SLC7A8: variants seen among roughly 807,000 people sequenced by gnomAD.
SLC7A8 encodes the protein solute carrier family 7 member 8.
Under a neutral mutation model 51.2 loss-of-function variants are expected in SLC7A8, and 30 were observed. The observed-to-expected ratio is 0.59, with a 90% CI of 0.44 to 0.80. The LOEUF (loss-of-function observed/expected upper bound fraction) is 0.80, where lower values mean the gene tolerates loss of function less well. SLC7A8 is among the 30% of genes least tolerant of loss of function. The pLI is 0.00. For synonymous variants in SLC7A8, 257 were observed against 275.8 expected, an observed-to-expected ratio of 0.93 and a Z score of 0.67; for missense variants, 612 against 674.4, an observed-to-expected ratio of 0.91 and a Z score of 1.03.
At chr14:23,150,195 T>A (rs1335985942) in intron 3 of SLC7A8, among the ~76,000 whole-genome samples, 1 of 152,086 alleles carries the variant, frequency 6.6e-6, no homozygotes, top group African/African-American at 2.4e-5. Context: ...TAAGGATGGG[T>A]TGGGGAGTCG....
At chr14:23,149,192 G>C (rs556989688) in intron 3 of SLC7A8, among the ~76,000 whole-genome samples, 5 of 152,240 alleles carry the variant, frequency 3.3e-5, no homozygotes, top group African/African-American at 4.8e-5. Flanking sequence ...CCCACAGCTA[G>C]AGTGTTCCTA....
rs550007987 is a variant in SLC7A8 at position 23,167,191 on chromosome 14, A to C, written c.152-651T>G. The stretch of plus-strand genomic sequence containing the variant: ...GAACATAAAATAACTCTATAAAAAC[A>C]GTCCTAGTGGTTTAGAAGTGGTGTG... On this transcript the variant is annotated intron_variant, in intron 1 of 10. Transcript: ENST00000316902. Among the ~76,000 whole-genome samples, 3 of 152,320 alleles carry C rather than the reference A, an allele frequency of 2.0e-5. No individual in the cohort carries two copies. In the South Asian group the frequency reaches 6.2e-4, roughly 32 times the overall value.
intron 1 of SLC7A8, among the ~76,000 whole-genome samples, chr14:23,180,072 A>ATTT (rs1181284855): frequency 6.6e-6 from 1 of 151,600 alleles, no homozygotes; most frequent in East Asian, 1.9e-4. Flanking sequence ...CGCCCGGCTA[A>ATTT]TTTTTTGTAT....
intron 3 of SLC7A8, among the ~76,000 whole-genome samples, chr14:23,163,988 A>G (rs1159136284): frequency 6.7e-6 from 1 of 149,558 alleles, no homozygotes; most frequent in Non-Finnish European, 1.5e-5. Context: ...TAGAGACAGG[A>G]TCTCACTATG....
chr14:23,182,182 A>G (rs1295346491), intron 1 of SLC7A8, among the ~76,000 whole-genome samples: 2 of 152,166 alleles, frequency 1.3e-5, no homozygotes, highest in African/African-American at 2.4e-5. Context: ...CTTTTCTTCC[A>G]TAACTTCCCC....
intron 3 of SLC7A8, among the ~76,000 whole-genome samples, chr14:23,152,452 C>T (rs1247616302): frequency 6.6e-6 from 1 of 151,176 alleles, no homozygotes; most frequent in Non-Finnish European, 1.5e-5. Flanking sequence ...CAGGGTCTTA[C>T]TCTGTCATCC....
chr14:23,178,885 C>CAAAAAAAAAAAAAAAAAA (rs386380884), intron 1 of SLC7A8, among the ~76,000 whole-genome samples: 1 of 78,756 alleles, frequency 1.3e-5, no homozygotes, highest in Non-Finnish European at 2.4e-5. Flanking sequence ...ATCTTGTCTC[C>CAAAAAAAAAAAAAAAAAA]AAAAAAAAAA....
chr14:23,147,692 A>G (rs2048810272), intron 3 of SLC7A8, among the ~76,000 whole-genome samples: 1 of 152,228 alleles, frequency 6.6e-6, no homozygotes, highest in African/African-American at 2.4e-5. Context: ...CCTGGGTAAA[A>G]AATAAGATGA....
Position 23,126,770 on chromosome 14 carries a change from T to C in SLC7A8, c.*407A>G. 1 of 232,804 alleles carries C rather than the reference T, an allele frequency of 4.3e-6. No homozygotes were observed. The highest frequency in any genetic ancestry group is 8.6e-6 in the Non-Finnish European group (1 of 115,934). 14.4% of individuals were successfully genotyped at this position (232,804 alleles called of 1,614,324 possible). ...ACCCCTTGATGGGGACAGAATTGCT[T>C]GAGCCTGTCCCCCCACAATGCAGCT... On this transcript the variant is annotated 3_prime_UTR_variant, in exon 11 of 11. Coordinates refer to ENST00000316902, the MANE Select transcript of SLC7A8 (RefSeq NM_012244.4).
At chr14:23,174,175 C>T (rs1235486512) in intron 1 of SLC7A8, among the ~76,000 whole-genome samples, 1 of 152,198 alleles carries the variant, frequency 6.6e-6, no homozygotes. Context: ...CCAAATACCA[C>T]CTTAAGTCAA....
intron 7 of SLC7A8, 64 bp from the exon 8 acceptor site, chr14:23,131,621 A>G (rs1323121161): frequency 3.0e-6 from 4 of 1,313,082 alleles, no homozygotes; most frequent in Non-Finnish European, 3.1e-6. Flanking sequence ...CAGCTCCTTC[A>G]TCCTTGCCTA....
At chr14:23,179,996 T>C (rs1877093824) in intron 1 of SLC7A8, among the ~76,000 whole-genome samples, 1 of 151,372 alleles carries the variant, frequency 6.6e-6, no homozygotes, top group African/African-American at 2.4e-5. Context: ...ACCTCTGCCT[T>C]CTGGGTTCAA....
At chr14:23,174,415 A>G (rs918369594) in intron 1 of SLC7A8, among the ~76,000 whole-genome samples, 1 of 152,212 alleles carries the variant, frequency 6.6e-6, no homozygotes, top group Non-Finnish European at 1.5e-5. Context: ...ACATTGTGAA[A>G]CCTTCTCCCC....
Position 23,138,010 on chromosome 14 carries a change from C to G in SLC7A8, c.927G>C (p.Lys309Asn). ...TGATCCAGGCCATGACTCCTAGGAGCTTCTCTCCAAAAGTCTGGGAGAGGA... is the reference window on the plus strand; with the variant it reads ...TGATCCAGGCCATGACTCCTAGGAGGTTCTCTCCAAAAGTCTGGGAGAGGA... ...SNAVAVTFGE[K>N]LLGVMAWIMP... Residue 309 changes from lysine (K) to asparagine (N), a missense_variant, in exon 7 of 11, where the codon AAG (lysine) becomes AAC (asparagine). By Grantham distance (94) the Lys-to-Asn change is moderately conservative. Coordinates refer to ENST00000316902, the MANE Select transcript of SLC7A8 (RefSeq NM_012244.4). 1 of 1,613,650 alleles carries G rather than the reference C, an allele frequency of 6.2e-7. No homozygotes were observed. Among genetic ancestry groups the G allele is most frequent in the African/African-American group, 1.3e-5 (1 of 74,972 alleles).
In SLC7A8 at chr14:23,126,966, T is replaced by C; in HGVS notation, c.*211A>G. ...GTGTGGGCAGCACTGGAGTGGGGCC[T>C]GGGACATGGACCCTGGGGTGAGAGG... On this transcript the variant is annotated 3_prime_UTR_variant, in exon 11 of 11. Coordinates refer to ENST00000316902, the MANE Select transcript of SLC7A8 (RefSeq NM_012244.4). 1 of 617,554 alleles carries C rather than the reference T, an allele frequency of 1.6e-6. No homozygotes were observed. The highest frequency in any genetic ancestry group is 2.8e-6 in the Non-Finnish European group (1 of 355,216). 38.3% of individuals were successfully genotyped at this position (617,554 alleles called of 1,614,324 possible).
rs193100426 is a variant in SLC7A8, at chr14:23,135,680, C to T, written c.1016+2241G>A. ...TTGCGCCACTGCACTCCAGCCTGGGCGACAGAGCGAGACTCTGCCTTAAAA... is the reference window on the plus strand; with the variant it reads ...TTGCGCCACTGCACTCCAGCCTGGGTGACAGAGCGAGACTCTGCCTTAAAA... On this transcript the variant is annotated intron_variant, in intron 7 of 10. Transcript: ENST00000316902. 4.9e-3 allele frequency among the ~76,000 whole-genome samples: 730 copies of T among 149,542 alleles called. 5 individuals carry two copies. Among genetic ancestry groups the T allele is most frequent in the Non-Finnish European group, 7.5e-3 (511 of 67,714 alleles).
chr14:23,168,045 G>C (rs2268874), intron 1 of SLC7A8, among the ~76,000 whole-genome samples: 45,679 of 151,668 alleles, frequency 0.3, 9,387 homozygotes, highest in African/African-American at 0.59. Context: ...TTGGTGCTGG[G>C]AGTCTTTCCC....
chr14:23,183,326 T>G lies in SLC7A8; in HGVS notation c.-412A>C, dbSNP rs577335243. ...CTGGATTTCCCTTCACCTCTCCCCC[T>G]AATAAAACAGGAGACTGCCTTTACC... On this transcript the variant is annotated 5_prime_UTR_variant, in exon 1 of 11. Transcript: ENST00000316902. 7 of 159,420 alleles carry G rather than the reference T, an allele frequency of 4.4e-5. 1 individual carries two copies. The South Asian group carries it at 1.4e-3, about 31-fold the overall frequency. The allele number at this position is 159,420 out of a possible 1,614,324, so 9.9% of individuals were successfully genotyped here.
rs1028873966 is a variant in SLC7A8, at chr14:23,140,757, A to G, written c.635-133T>C. ...ACTCTGTCTTGTCTCCAGTGAACCC[A>G]ACATATTGGATAAATTGGGATAAAG... On this transcript the variant is annotated intron_variant, in intron 4 of 10. Transcript: ENST00000316902. 13 of 840,520 alleles carry G rather than the reference A, an allele frequency of 1.5e-5. No individual in the cohort carries two copies. In the Admixed American group the frequency reaches 2.3e-4, roughly 15 times the overall value. 52.1% of individuals were successfully genotyped at this position (840,520 alleles called of 1,614,324 possible).
Sources: gnomAD v4.1 joint callset for allele counts (sites outside exome capture counted in the v4.1 genomes callset) on GRCh38, gnomAD v4.1.1 for gene constraint, MANE v1.5 for transcripts, NCBI Gene and HGNC (gene_info 2026-07-23, HGNC 2026-07-21) for gene names.